LRRC4C: variants seen among roughly 807,000 people sequenced by gnomAD.
LRRC4C encodes leucine-rich repeat-containing protein 4C.
A neutral mutation model predicts 33.6 loss-of-function variants in LRRC4C; 5 were observed. The ratio of observed to expected loss-of-function variants is 0.15; its 90% CI spans 0.08 to 0.31. The LOEUF (loss-of-function observed/expected upper bound fraction) is 0.31, where lower values mean the gene tolerates loss of function less well. Among genes scored for constraint, LRRC4C ranks in the 10% least tolerant of loss-of-function variants. LRRC4C has a pLI of 1.00. For synonymous variants in LRRC4C, 329 were observed against 302.0 expected (o/e 1.09, Z -0.93); for missense variants, 560 against 796.7 (o/e 0.70, Z 3.58).
At chr11:40,882,367 G>A (rs1446563217) in intron 2 of LRRC4C, among the ~76,000 whole-genome samples, 1 of 152,106 alleles carries the variant, frequency 6.6e-6, no homozygotes, top group Non-Finnish European at 1.5e-5. Flanking sequence ...AAGTTGACAA[G>A]TGTAAATTAG....
At chr11:41,343,619 T>C (rs2922040) in intron 1 of LRRC4C, among the ~76,000 whole-genome samples, 100,840 of 152,058 alleles carry the variant, frequency 0.66, 33,650 homozygotes, top group East Asian at 0.79. Context: ...TTAAAAGATA[T>C]GCTGGTCCAA....
chr11:41,184,736 C>G (rs1355661144), intron 1 of LRRC4C, among the ~76,000 whole-genome samples: 2 of 151,944 alleles, frequency 1.3e-5, no homozygotes, highest in South Asian at 4.2e-4. Flanking sequence ...CAGCAACGTC[C>G]CACTTTACTG....
intron 2 of LRRC4C, among the ~76,000 whole-genome samples, chr11:40,685,417 A>G (rs1162074065): frequency 6.6e-6 from 1 of 152,080 alleles, no homozygotes; most frequent in Non-Finnish European, 1.5e-5. Flanking sequence ...TGCATACCAT[A>G]AAATAAAATG....
intron 2 of LRRC4C, among the ~76,000 whole-genome samples, chr11:40,886,164 T>A (rs1322244848): frequency 6.6e-6 from 1 of 152,084 alleles, no homozygotes; most frequent in East Asian, 1.9e-4. Context: ...CTATCAATTA[T>A]TTAGTTATTA....
At chr11:41,318,793 G>T (rs1351329247) in intron 1 of LRRC4C, among the ~76,000 whole-genome samples, 2 of 151,730 alleles carry the variant, frequency 1.3e-5, no homozygotes, top group Non-Finnish European at 2.9e-5. Flanking sequence ...TCATAGAATA[G>T]AAATTCCAGA....
chr11:40,126,814 A>T (rs1040975929), intron 6 of LRRC4C, among the ~76,000 whole-genome samples: 2 of 151,812 alleles, frequency 1.3e-5, no homozygotes, highest in Non-Finnish European at 2.9e-5. Flanking sequence ...TACAAAATTA[A>T]CCAGGTGTGT....
At chr11:40,154,374 T>C (rs1039602619) in intron 5 of LRRC4C, among the ~76,000 whole-genome samples, 2 of 149,232 alleles carry the variant, frequency 1.3e-5, no homozygotes, top group African/African-American at 4.9e-5. Context: ...AATACTAACA[T>C]TAAATGTAAA....
intron 1 of LRRC4C, among the ~76,000 whole-genome samples, chr11:41,115,927 C>A (rs1226098191): frequency 6.6e-6 from 1 of 152,044 alleles, no homozygotes; most frequent in Non-Finnish European, 1.5e-5. Flanking sequence ...TGGTCTGACC[C>A]CTTTTATGAT....
chr11:41,127,886 C>G (rs1942823881), intron 1 of LRRC4C, among the ~76,000 whole-genome samples: 1 of 152,178 alleles, frequency 6.6e-6, no homozygotes, highest in East Asian at 1.9e-4. Context: ...CTTTAACCTA[C>G]TGGGATTTGG....
chr11:41,320,649 A>G (rs1289764819), intron 1 of LRRC4C, among the ~76,000 whole-genome samples: 3 of 152,212 alleles, frequency 2.0e-5, no homozygotes, highest in African/African-American at 7.2e-5. Flanking sequence ...CTGCATAACT[A>G]AGACAAGCTT....
intron 2 of LRRC4C, among the ~76,000 whole-genome samples, chr11:40,672,339 T>A (rs567562843): frequency 1.3e-5 from 2 of 152,238 alleles, no homozygotes; most frequent in African/African-American, 4.8e-5. Context: ...ACCTCCCAAA[T>A]GCCTCAGCTC....
rs1855268199 is a variant in LRRC4C, at chr11:40,114,514, C to G, written c.1779G>C (p.Glu593Asp). The G allele has an allele frequency of 1.2e-6, 2 of 1,614,110 alleles. No individual in the cohort carries two copies. The highest frequency in any genetic ancestry group is 1.7e-6 in the Non-Finnish European group (2 of 1,180,022). ...SHLPMPAIEH[E>D]HLNHYNSYKS... ...TGTATGAGTTATAGTGATTTAGGTGCTCATGCTCGATAGCAGGCATGGGCA... is the reference window on the plus strand; with the variant it reads ...TGTATGAGTTATAGTGATTTAGGTGGTCATGCTCGATAGCAGGCATGGGCA... Residue 593 changes from glutamate (E) to aspartate (D), a missense_variant, in exon 7 of 7, where the codon GAG becomes GAC. Physicochemically the swap from Glu to Asp is conservative, Grantham distance 45. Coordinates refer to ENST00000528697, the MANE Select transcript of LRRC4C (RefSeq NM_001258419.2).
At chr11:40,950,776 T>A (rs944150485) in intron 1 of LRRC4C, among the ~76,000 whole-genome samples, 1 of 152,058 alleles carries the variant, frequency 6.6e-6, no homozygotes, top group African/African-American at 2.4e-5. Flanking sequence ...TTGAGATACA[T>A]GCTTCCAGAG....
intron 1 of LRRC4C, among the ~76,000 whole-genome samples, chr11:41,452,876 G>A (rs964800193): frequency 6.6e-6 from 1 of 152,012 alleles, no homozygotes; most frequent in African/African-American, 2.4e-5. Flanking sequence ...AACTGAAACT[G>A]CTAAGTTATT....
chr11:40,923,101 A>G (rs1188540082), intron 2 of LRRC4C, among the ~76,000 whole-genome samples: 1 of 152,198 alleles, frequency 6.6e-6, no homozygotes, highest in Non-Finnish European at 1.5e-5. Context: ...CTGGGATTAC[A>G]GGTGTGAGCC....
At chr11:40,714,222 T>G (rs1052708424) in intron 2 of LRRC4C, among the ~76,000 whole-genome samples, 3 of 152,162 alleles carry the variant, frequency 2.0e-5, no homozygotes, top group African/African-American at 7.2e-5. Flanking sequence ...CATAGAGTCC[T>G]CAGCCAGAAC....
chr11:40,193,618 C>T (rs1238351270), intron 5 of LRRC4C, among the ~76,000 whole-genome samples: 1 of 152,088 alleles, frequency 6.6e-6, no homozygotes, highest in Non-Finnish European at 1.5e-5. Context: ...GACTAATTGA[C>T]AGAAGAAGGC....
chr11:40,453,095 TGGGTGC>T (rs1951966605), intron 3 of LRRC4C, among the ~76,000 whole-genome samples: 3 of 152,016 alleles, frequency 2.0e-5, no homozygotes, highest in Admixed American at 2.0e-4. Context: ...GACGAGTTAA[TGGGTGC>T]AGCGCACCAG....
At chr11:40,926,663 G>T (rs1442648408) in intron 2 of LRRC4C, among the ~76,000 whole-genome samples, 4 of 151,518 alleles carry the variant, frequency 2.6e-5, no homozygotes, top group Non-Finnish European at 4.4e-5. Flanking sequence ...ATGTAAATTT[G>T]GTTATAGTAT....
Sources: gnomAD v4.1 joint callset for allele counts (sites outside exome capture counted in the v4.1 genomes callset) on GRCh38, gnomAD v4.1.1 for gene constraint, MANE v1.5 for transcripts, NCBI Gene and HGNC (gene_info 2026-07-23, HGNC 2026-07-21) for gene names.